Variants in GRID2 observed in about 807,000 individuals in gnomAD.
GRID2 encodes the protein glutamate receptor ionotropic, delta-2.
In GRID2, 33 loss-of-function variants were observed where a neutral mutation model predicts 114.8. That is an observed-to-expected ratio of 0.29 (90% CI 0.22 to 0.38). The LOEUF (loss-of-function observed/expected upper bound fraction) is 0.38. GRID2 is among the 10% of genes least tolerant of loss of function. The pLI is 1.00. For missense variants in GRID2, 1,184 were observed against 1,257.7 expected (o/e 0.94, Z 0.89); for synonymous variants, 505 against 449.9 (o/e 1.12, Z -1.55).
At chr4:93,232,710 C>G (rs201000148) in intron 7 of GRID2, among the ~76,000 whole-genome samples, 1 of 151,606 alleles carries the variant, frequency 6.6e-6, no homozygotes, top group East Asian at 1.9e-4. Flanking sequence ...AGTACCAGTA[C>G]ATTTTCTTAT....
chr4:92,793,917 G>C (rs978680893), intron 2 of GRID2, among the ~76,000 whole-genome samples: 1 of 151,768 alleles, frequency 6.6e-6, no homozygotes. Context: ...GCTTTTATAA[G>C]GCAGAATGGA....
intron 8 of GRID2, among the ~76,000 whole-genome samples, chr4:93,357,305 TTTC>T (rs1245242855): frequency 3.3e-5 from 5 of 151,640 alleles, no homozygotes; most frequent in African/African-American, 4.8e-5. Flanking sequence ...TAATTATTTA[TTTC>T]ATTATTTATG....
In GRID2 at chr4:92,607,775, G is replaced by A. The variant is rs192511397; in HGVS notation, c.244+17489G>A. 3.3e-5 allele frequency among the ~76,000 whole-genome samples: 5 copies of A among 151,968 alleles called. No individual in the cohort carries two copies. In the East Asian group the frequency reaches 9.7e-4, roughly 29 times the overall value. On this transcript the variant is annotated intron_variant, in intron 2 of 15. Coordinates refer to ENST00000282020, the MANE Select transcript of GRID2 (RefSeq NM_001510.4). ...TAATTCAACATTGTTCAGCCTTTCA[G>A]CACAAGACACTGAGGTAGAATTAGC...
chr4:92,848,272 C>A (rs1350011407), intron 2 of GRID2, among the ~76,000 whole-genome samples: 1 of 150,538 alleles, frequency 6.6e-6, no homozygotes, highest in Non-Finnish European at 1.5e-5. Context: ...CAGCACTCAA[C>A]TAGTTTTAGG....
At chr4:92,457,157 T>G (rs1721255605) in intron 1 of GRID2, among the ~76,000 whole-genome samples, 1 of 152,116 alleles carries the variant, frequency 6.6e-6, no homozygotes, top group African/African-American at 2.4e-5. Flanking sequence ...TGTTCTCTAT[T>G]TTTACTATCC....
At chr4:92,945,437 T>G (rs1303992994) in intron 2 of GRID2, among the ~76,000 whole-genome samples, 10 of 152,190 alleles carry the variant, frequency 6.6e-5, no homozygotes, top group Non-Finnish European at 1.2e-4. Flanking sequence ...TTTGCTGCTC[T>G]AGAAAGTCTA....
intron 1 of GRID2, among the ~76,000 whole-genome samples, chr4:92,447,884 G>C (rs1316071953): frequency 2.6e-5 from 4 of 152,180 alleles, no homozygotes; most frequent in Admixed American, 2.0e-4. Flanking sequence ...TTATGGGTTA[G>C]AATTTCAAAG....
chr4:93,516,801 TGA>T (rs1729774853), intron 13 of GRID2, among the ~76,000 whole-genome samples: 1 of 152,126 alleles, frequency 6.6e-6, no homozygotes, highest in Non-Finnish European at 1.5e-5. Context: ...GCTTTGAGGA[TGA>T]GTTATTTTCC....
intron 2 of GRID2, among the ~76,000 whole-genome samples, chr4:92,969,378 G>C (rs1211303451): frequency 6.6e-6 from 1 of 151,638 alleles, no homozygotes; most frequent in African/African-American, 2.4e-5. Flanking sequence ...TTAATACTTG[G>C]ATGGAAATTG....
intron 2 of GRID2, among the ~76,000 whole-genome samples, chr4:92,938,149 T>C (rs1262036308): frequency 2.0e-5 from 3 of 146,944 alleles, no homozygotes; most frequent in Non-Finnish European, 4.5e-5. Flanking sequence ...AGTACATTGA[T>C]TGAGTTTTGT....
chr4:92,464,727 T>C (rs1257916391), intron 1 of GRID2, among the ~76,000 whole-genome samples: 1 of 151,906 alleles, frequency 6.6e-6, no homozygotes, highest in Non-Finnish European at 1.5e-5. Context: ...CACATAAATG[T>C]TAAAAAGAAT....
At chr4:93,599,892 A>G (rs1172939433) in intron 13 of GRID2, among the ~76,000 whole-genome samples, 1 of 152,188 alleles carries the variant, frequency 6.6e-6, no homozygotes, top group Non-Finnish European at 1.5e-5. Context: ...TTAAGAGGGA[A>G]TACCAGAAAG....
intron 13 of GRID2, among the ~76,000 whole-genome samples, chr4:93,588,319 A>G (rs996485719): frequency 9.2e-5 from 14 of 152,116 alleles, no homozygotes; most frequent in African/African-American, 3.4e-4. Flanking sequence ...AGTTGGAATA[A>G]TAGGTTTTTT....
intron 9 of GRID2, among the ~76,000 whole-genome samples, chr4:93,405,491 C>G (rs1399229322): frequency 6.6e-6 from 1 of 152,052 alleles, no homozygotes; most frequent in African/African-American, 2.4e-5. Flanking sequence ...TTAGACTAAT[C>G]AATGAGTAAA....
intron 14 of GRID2, among the ~76,000 whole-genome samples, chr4:93,766,292 G>T (rs1733666931): frequency 6.6e-6 from 1 of 152,162 alleles, no homozygotes; most frequent in Admixed American, 6.5e-5. Context: ...CCCCATGGCT[G>T]GGGAGGCCTC....
chr4:93,377,372 A>G (rs1021894273), intron 8 of GRID2, among the ~76,000 whole-genome samples: 5 of 152,174 alleles, frequency 3.3e-5, no homozygotes, highest in Non-Finnish European at 5.9e-5. Flanking sequence ...TGATGAGTCA[A>G]TCAGGCTGCC....
At chr4:93,414,141 G>C (rs1767477541) in intron 9 of GRID2, among the ~76,000 whole-genome samples, 1 of 152,100 alleles carries the variant, frequency 6.6e-6, no homozygotes, top group Non-Finnish European at 1.5e-5. Flanking sequence ...AATTTCATCA[G>C]CTCTACCTTC....
At chr4:92,430,376 A>C (rs1224186164) in intron 1 of GRID2, among the ~76,000 whole-genome samples, 1 of 151,996 alleles carries the variant, frequency 6.6e-6, no homozygotes, top group African/African-American at 2.4e-5. Context: ...TCTCCAAAGT[A>C]TATTTTTGGC....
intron 2 of GRID2, among the ~76,000 whole-genome samples, chr4:93,014,524 C>A (rs914412174): frequency 6.6e-6 from 1 of 152,058 alleles, no homozygotes; most frequent in Non-Finnish European, 1.5e-5. Context: ...CAGGCCCCCA[C>A]AGAAAATTTC....
Sources: allele counts gnomAD v4.1 joint callset (sites outside exome capture counted in the v4.1 genomes callset), GRCh38; gene constraint gnomAD v4.1.1; transcripts MANE v1.5; gene names NCBI Gene and HGNC (gene_info 2026-07-23, HGNC 2026-07-21).